The following ACACA variants were observed in gnomAD, a reference collection of about 807,000 sequenced individuals.
ACACA encodes the protein acetyl-CoA carboxylase 1.
In ACACA, 103 loss-of-function variants were observed where a neutral mutation model predicts 296.1. That is an observed-to-expected ratio of 0.35 (90% CI 0.30 to 0.41). The LOEUF (loss-of-function observed/expected upper bound fraction) is 0.41, where lower values mean the gene tolerates loss of function less well. Ranked by LOEUF, ACACA falls within the 10% of genes least tolerant of loss-of-function variation. The probability of loss-of-function intolerance (pLI) is 1.00; values close to 1 mark genes in which losing one functional copy is unlikely to be tolerated. For missense variants in ACACA, 1,554 were observed against 2,989.7 expected (o/e 0.52, Z 11.20); for synonymous variants, 953 against 1,038.6 (o/e 0.92, Z 1.58).
intron 4 of ACACA, 72 bp downstream of exon 4, chr17:37,284,766 T>G: frequency 6.2e-7 from 1 of 1,604,946 alleles, no homozygotes; most frequent in Non-Finnish European, 8.5e-7. Context: ...GGAGCAAATC[T>G]AGACAACAAA....
In ACACA at chr17:37,370,731, C is replaced by G. The variant is rs557143878; in HGVS notation, c.39-30881G>C. On this transcript the variant is annotated intron_variant, in intron 1 of 55. Coordinates refer to ENST00000616317, the MANE Select transcript of ACACA (RefSeq NM_198834.3). ...GGTACGGTGACTCATCCCTGTAATC[C>G]CTGCACTTTGGGAGGCTGAGGTGGG... 4.0e-5 allele frequency among the ~76,000 whole-genome samples: 6 copies of G among 151,442 alleles called. No homozygotes were observed. In the South Asian group the frequency reaches 1.3e-3, roughly 32 times the overall value.
chr17:37,117,778 C>T (rs965125717), intron 50 of ACACA, among the ~76,000 whole-genome samples: 4 of 145,576 alleles, frequency 2.7e-5, no homozygotes, highest in African/African-American at 1.1e-4. Context: ...CCTCCTAGGC[C>T]GACTAGTAGA....
chr17:37,216,729 G>C (rs2079016020), intron 29 of ACACA, among the ~76,000 whole-genome samples: 1 of 151,624 alleles, frequency 6.6e-6, no homozygotes, highest in Non-Finnish European at 1.5e-5. Flanking sequence ...GGCTCCCCTA[G>C]TCATTTGCAA....
intron 21 of ACACA, 105 bp downstream of exon 21, chr17:37,244,483 A>T: frequency 1.4e-6 from 2 of 1,406,848 alleles, no homozygotes; most frequent in Non-Finnish European, 2.0e-6. Context: ...TAGGCCAAAC[A>T]GCTTTCTTTT....
In ACACA at chr17:37,196,618, A is replaced by G. The variant is rs1021194118; in HGVS notation, c.4159-3203T>C. Among the ~76,000 whole-genome samples the G allele has an allele frequency of 1.5e-4, 23 of 151,772 alleles. 1 individual carries two copies. Among genetic ancestry groups the G allele is most frequent in the Non-Finnish European group, 2.9e-4 (20 of 67,986 alleles). ...AAACTTTGCTGAAAAAAATATGGAA[A>G]GCTTAAAAAAAAAAAAGCATAATAT... is the stretch of plus-strand genomic sequence containing the variant. On this transcript the variant is annotated intron_variant, in intron 35 of 55. Transcript: ENST00000616317.
chr17:37,298,615 A>C (rs1205895940), intron 3 of ACACA, among the ~76,000 whole-genome samples: 2 of 152,214 alleles, frequency 1.3e-5, no homozygotes, highest in Non-Finnish European at 2.9e-5. Context: ...TGAGCCCAAG[A>C]GTTCAAGGCT....
At position 37,350,509 on chromosome 17, in the gene ACACA, G is replaced by C. The variant is rs150843234; in HGVS notation, c.39-10659C>G. On this transcript the variant is annotated intron_variant, in intron 1 of 55. Coordinates refer to ENST00000616317, the MANE Select transcript of ACACA (RefSeq NM_198834.3). ...CATTCCAGCATGGGCAAAAGAGCGA[G>C]ACCCTGTCTCGAAAACAAAACAATG... Among the ~76,000 whole-genome samples, 1,044 of 152,152 alleles carry C rather than the reference G, an allele frequency of 6.9e-3. 11 individuals are homozygous for C. Among genetic ancestry groups the C allele is most frequent in the Middle Eastern group, 0.02 (6 of 294 alleles).
At chr17:37,338,025 G>C (rs1342967494) in intron 2 of ACACA, among the ~76,000 whole-genome samples, 1 of 151,668 alleles carries the variant, frequency 6.6e-6, no homozygotes, top group Non-Finnish European at 1.5e-5. Flanking sequence ...TGAACCCAGG[G>C]GGCGGAGCTT....
At chr17:37,340,135 A>C (rs983493709) in intron 1 of ACACA, among the ~76,000 whole-genome samples, 1 of 152,226 alleles carries the variant, frequency 6.6e-6, no homozygotes, top group Non-Finnish European at 1.5e-5. Flanking sequence ...CGATGAATAC[A>C]TTTCAAAATT....
intron 42 of ACACA, among the ~76,000 whole-genome samples, chr17:37,157,481 G>C (rs1454055577): frequency 6.7e-6 from 1 of 149,242 alleles, no homozygotes; most frequent in Non-Finnish European, 1.5e-5. Flanking sequence ...AGGGTTTTAA[G>C]TGGAGAAAAA....
At position 37,243,331 on chromosome 17, in the gene ACACA, T is replaced by C. The variant is rs762628561; in HGVS notation, c.2931+40A>G. On this transcript the variant is annotated intron_variant, in intron 22 of 55. Coordinates refer to ENST00000616317, the MANE Select transcript of ACACA (RefSeq NM_198834.3). The stretch of plus-strand genomic sequence containing the variant: ...GAATCCTACAACATAAACTCTGGCA[T>C]TGGTAGCCAGAAAAAAATATAGTGT... 17 of 1,567,028 alleles carry C rather than the reference T, an allele frequency of 1.1e-5. No homozygotes were observed. In the African/African-American group the frequency reaches 1.4e-4, roughly 12 times the overall value.
At chr17:37,342,406 CAAAAAAAAA>C (rs1173872959) in intron 1 of ACACA, among the ~76,000 whole-genome samples, 1 of 21,114 alleles carries the variant, frequency 4.7e-5, no homozygotes, top group Non-Finnish European at 8.2e-5. Flanking sequence ...GACTGTCTCT[CAAAAAAAAA>C]AAAAAAAAAA....
Position 37,111,529 on chromosome 17 carries a change from A to G in ACACA, c.6565+2T>C. The G allele has an allele frequency of 6.2e-7, 1 of 1,610,088 alleles. No individual in the cohort carries two copies. Among genetic ancestry groups the G allele is most frequent in the Non-Finnish European group, 8.5e-7 (1 of 1,176,302 alleles). On this transcript the variant is annotated splice_donor_variant, in intron 52 of 55. Transcript: ENST00000616317. LOFTEE classifies it high-confidence loss of function. ...ATTTGCCAGAAGGACAAGCAGACAT[A>G]CCCAATCGCTCAGCCAAGTGGATGT...
At chr17:37,371,154 A>G (rs1194395966) in intron 1 of ACACA, among the ~76,000 whole-genome samples, 1 of 151,858 alleles carries the variant, frequency 6.6e-6, no homozygotes, top group Admixed American at 6.6e-5. Context: ...ATCTCGGCTC[A>G]CTGCAACCTC....
rs193130842 is a variant in ACACA at position 37,401,052 on chromosome 17, C to T, written c.38+5210G>A. Reference sequence around the variant, plus strand: ...TCTCCACATCCTTGCCAATGCTTATCTCGCTTTTTGATAATAATCATTCTG... The same window carrying T: ...TCTCCACATCCTTGCCAATGCTTATTTCGCTTTTTGATAATAATCATTCTG... On this transcript the variant is annotated intron_variant, in intron 1 of 55. Transcript: ENST00000616317. Among the ~76,000 whole-genome samples the T allele has an allele frequency of 9.8e-4, 149 of 152,244 alleles. 1 individual carries two copies. The South Asian group carries it at 0.012, about 12-fold the overall frequency.
chr17:37,223,562 G>T lies in ACACA; in HGVS notation c.3514C>A (p.Pro1172Thr), dbSNP rs2079393740. The T allele has an allele frequency of 5.0e-6, 8 of 1,612,444 alleles. No homozygotes were observed. Among genetic ancestry groups the T allele is most frequent in the Non-Finnish European group, 6.8e-6 (8 of 1,178,460 alleles). Residue 1172 changes from proline to threonine, a missense_variant, in exon 28 of 56, where the codon CCA becomes ACA. This residue lies in a region of ACACA where 42 missense variants were observed against 147.5 expected (regional missense o/e 0.28). Coordinates refer to ENST00000616317, the MANE Select transcript of ACACA (RefSeq NM_198834.3). ...TGGTTGCTGTGATAGAAGAAGTTTGGTAGGACATCAAAAATAGATGTTTCT... is the reference window on the plus strand; with the variant it reads ...TGGTTGCTGTGATAGAAGAAGTTTGTTAGGACATCAAAAATAGATGTTTCT... ...LSETSIFDVL[P>T]NFFYHSNQVV... is the part of the protein sequence containing the mutation.
chr17:37,103,717 A>T lies in ACACA; in HGVS notation c.6566-5733T>A, dbSNP rs2073496959. On this transcript the variant is annotated intron_variant, in intron 52 of 55. Coordinates refer to ENST00000616317, the MANE Select transcript of ACACA (RefSeq NM_198834.3). The stretch of plus-strand genomic sequence containing the variant: ...AAAGCAAGACCCTGTCTCTACAAAC[A>T]CACAAACACACACACACACACACAC... Among the ~76,000 whole-genome samples, 2 of 115,272 alleles carry T rather than the reference A, an allele frequency of 1.7e-5. 1 individual carries two copies. The highest frequency in any genetic ancestry group is 6.5e-4 in the South Asian group (2 of 3,056). The allele number at this position is 115,272 out of a possible 152,430, so 75.6% of individuals were successfully genotyped here. A position where few individuals can be genotyped will look rare whatever the true frequency, so the allele number is the denominator to read the frequency against.
chr17:37,249,797 C>T (rs947547666), intron 16 of ACACA, among the ~76,000 whole-genome samples: 6 of 152,216 alleles, frequency 3.9e-5, no homozygotes, highest in South Asian at 2.1e-4. Context: ...TGATATGGTT[C>T]GGCTGTGTTC....
intron 20 of ACACA, 58 bp from the exon 21 acceptor site, chr17:37,244,792 C>T (rs555569928): frequency 1.2e-6 from 2 of 1,602,968 alleles, no homozygotes; most frequent in African/African-American, 1.3e-5. Context: ...GGTACAAACA[C>T]ACCACTGCAC....
Sources: allele counts gnomAD v4.1 joint callset (sites outside exome capture counted in the v4.1 genomes callset), GRCh38; gene constraint gnomAD v4.1.1; regional missense constraint gnomAD v4.1.1; transcripts MANE v1.5; gene names NCBI Gene and HGNC (gene_info 2026-07-23, HGNC 2026-07-21).